CEP112: variants seen among roughly 807,000 people sequenced by gnomAD.
CEP112 encodes centrosomal protein 112, also known as centrosomal protein of 112 kDa.
CEP112 carries 127 observed loss-of-function variants against 153.0 expected under a neutral mutation model. The observed-to-expected ratio is 0.83, with a 90% CI of 0.72 to 0.96. The LOEUF (loss-of-function observed/expected upper bound fraction) is 0.96, where lower values mean the gene tolerates loss of function less well. Ranked by LOEUF, CEP112 falls within the 40% of genes least tolerant of loss-of-function variation. The pLI is 0.00. For missense variants in CEP112, 1,089 were observed against 1,101.2 expected, an observed-to-expected ratio of 0.99 and a Z score of 0.16; for synonymous variants, 358 against 374.4, an observed-to-expected ratio of 0.96 and a Z score of 0.51.
intron 24 of CEP112, among the ~76,000 whole-genome samples, chr17:65,654,720 A>G (rs1032782202): frequency 1.3e-5 from 2 of 152,238 alleles, no homozygotes. Flanking sequence ...CTGACACCAA[A>G]AAGAAAACAA....
intron 24 of CEP112, among the ~76,000 whole-genome samples, chr17:65,674,403 G>A (rs2047127356): frequency 6.6e-6 from 1 of 152,190 alleles, no homozygotes. Flanking sequence ...TGGCATGTGG[G>A]GACATTTTTA....
chr17:65,916,981 C>A (rs2060517954), intron 19 of CEP112, among the ~76,000 whole-genome samples: 1 of 152,136 alleles, frequency 6.6e-6, no homozygotes, highest in Non-Finnish European at 1.5e-5. Flanking sequence ...ATATCAGCAC[C>A]CTTTCTATGA....
intron 22 of CEP112, among the ~76,000 whole-genome samples, chr17:65,745,993 G>A (rs1268231671): frequency 5.9e-5 from 9 of 151,670 alleles, no homozygotes; most frequent in East Asian, 1.9e-4. Context: ...GCGAAACCCC[G>A]TCTCTTCTAA....
intron 19 of CEP112, among the ~76,000 whole-genome samples, chr17:65,907,436 G>A (rs982007066): frequency 8.5e-5 from 13 of 152,122 alleles, no homozygotes; most frequent in Admixed American, 2.6e-4. Flanking sequence ...CAAATCTCAA[G>A]GTTGCCAAAG....
chr17:65,855,581 A>G (rs983811298), intron 20 of CEP112, among the ~76,000 whole-genome samples: 3 of 152,162 alleles, frequency 2.0e-5, no homozygotes, highest in African/African-American at 7.2e-5. Context: ...AAGCTCATCC[A>G]ACAGGTCAGG....
At chr17:65,811,483 C>T (rs1306285573) in intron 21 of CEP112, among the ~76,000 whole-genome samples, 7 of 152,134 alleles carry the variant, frequency 4.6e-5, no homozygotes, top group Admixed American at 3.3e-4. Context: ...GGTACAGTTA[C>T]TGGAATTGTT....
At chr17:65,711,841 G>GT (rs2049200542) in intron 23 of CEP112, among the ~76,000 whole-genome samples, 1 of 152,190 alleles carries the variant, frequency 6.6e-6, no homozygotes, top group East Asian at 1.9e-4. Flanking sequence ...TCCACTTTCT[G>GT]TTTCAGGTAC....
At chr17:65,999,751 T>C (rs1302385091) in intron 17 of CEP112, among the ~76,000 whole-genome samples, 1 of 146,448 alleles carries the variant, frequency 6.8e-6, no homozygotes, top group East Asian at 2.3e-4. Context: ...ACCCAGTGTG[T>C]GTTGTTCCCT....
At chr17:66,145,502 T>C (rs904189741) in intron 4 of CEP112, among the ~76,000 whole-genome samples, 3 of 152,184 alleles carry the variant, frequency 2.0e-5, no homozygotes, top group East Asian at 1.9e-4. Flanking sequence ...TCTATACTTT[T>C]AGCATTTTCA....
Position 65,639,978 on chromosome 17 carries a change from C to T in CEP112, c.2799+986G>A, listed in dbSNP as rs947260627. 2.1e-3 allele frequency among the ~76,000 whole-genome samples: 306 copies of T among 148,846 alleles called. 11 individuals are homozygous for T. Among genetic ancestry groups the T allele is most frequent in the Admixed American group, 0.02 (304 of 14,934 alleles). On this transcript the variant is annotated intron_variant, in intron 25 of 26. Coordinates refer to ENST00000535342, the MANE Select transcript of CEP112 (RefSeq NM_001199165.4). ...TCAGCCTCCTGAGTAGCTGGGATAACAGGCATGCACCACCATGCCTGGCTA... is the reference window on the plus strand; with the variant it reads ...TCAGCCTCCTGAGTAGCTGGGATAATAGGCATGCACCACCATGCCTGGCTA...
chr17:65,752,734 T>C lies in CEP112; in HGVS notation c.2395-2010A>G, dbSNP rs12452828. ...ACAGGAAAGATCTTGCTGCTTCTAA[T>C]GGGTATCCTTCAGGTCTTCCTTCCC... On this transcript the variant is annotated intron_variant, in intron 21 of 26. Transcript: ENST00000535342. Among the ~76,000 whole-genome samples the C allele has an allele frequency of 4.1e-3, 617 of 152,310 alleles. 18 individuals carry two copies. Among genetic ancestry groups the C allele is most frequent in the Admixed American group, 0.036 (553 of 15,302 alleles).
intron 12 of CEP112, among the ~76,000 whole-genome samples, chr17:66,033,957 A>T (rs1019984451): frequency 6.6e-6 from 1 of 152,064 alleles, no homozygotes. Context: ...TTTTCAACTA[A>T]ATGGTGATCA....
At chr17:65,918,289 C>T (rs937564548) in intron 19 of CEP112, among the ~76,000 whole-genome samples, 7 of 152,112 alleles carry the variant, frequency 4.6e-5, no homozygotes, top group African/African-American at 9.7e-5. Context: ...TTGGGAATCA[C>T]GTGCTATCTG....
intron 22 of CEP112, 90 bp downstream of exon 22, chr17:65,750,572 A>T: frequency 9.9e-7 from 1 of 1,008,196 alleles, no homozygotes; most frequent in Non-Finnish European, 1.5e-6. Context: ...GAAAAGAATG[A>T]AGTTTAACTT....
chr17:65,709,126 A>G (rs1294878891), intron 23 of CEP112, among the ~76,000 whole-genome samples: 1 of 152,206 alleles, frequency 6.6e-6, no homozygotes, highest in African/African-American at 2.4e-5. Flanking sequence ...CAAAATAACA[A>G]TAATCTCCCC....
intron 17 of CEP112, among the ~76,000 whole-genome samples, chr17:65,980,091 TACAG>T (rs1342295665): frequency 6.6e-6 from 1 of 152,192 alleles, no homozygotes; most frequent in Admixed American, 6.5e-5. Context: ...GGTCTCTCGA[TACAG>T]ACCATTTCCA....
chr17:65,979,948 G>A (rs894598), intron 17 of CEP112, among the ~76,000 whole-genome samples: 79,119 of 151,764 alleles, frequency 0.52, 21,627 homozygotes, highest in African/African-American at 0.6. Context: ...ACACGATTTC[G>A]TCATAATAAA....
chr17:65,920,779 C>T (rs2060697840), intron 19 of CEP112, among the ~76,000 whole-genome samples: 1 of 151,930 alleles, frequency 6.6e-6, no homozygotes. Flanking sequence ...TAGCTGGGAC[C>T]ATATCTGCCA....
intron 17 of CEP112, among the ~76,000 whole-genome samples, chr17:66,000,623 A>G (rs928703114): frequency 6.6e-6 from 1 of 152,198 alleles, no homozygotes; most frequent in African/African-American, 2.4e-5. Context: ...CTTCGGTGGC[A>G]GCAGAGCACT....
Sources: gnomAD v4.1 joint callset for allele counts (sites outside exome capture counted in the v4.1 genomes callset) on GRCh38, gnomAD v4.1.1 for gene constraint, MANE v1.5 for transcripts, NCBI Gene and HGNC (gene_info 2026-07-23, HGNC 2026-07-21) for gene names.